STAG1: variants seen among roughly 807,000 people sequenced by gnomAD.
STAG1 encodes the protein cohesin subunit SA-1.
Under a neutral mutation model 170.9 loss-of-function variants are expected in STAG1, and 26 were observed. The ratio of observed to expected loss-of-function variants is 0.15; its 90% CI spans 0.11 to 0.21. The LOEUF (loss-of-function observed/expected upper bound fraction) is 0.21, where lower values mean the gene tolerates loss of function less well. Ranked by LOEUF, STAG1 falls within the 10% of genes least tolerant of loss-of-function variation. The pLI is 1.00. For synonymous variants in STAG1, 514 were observed against 497.7 expected (o/e 1.03, Z -0.44); for missense variants, 964 against 1,509.5 (o/e 0.64, Z 5.99).
At chr3:136,645,316 G>A (rs1025544955) in intron 1 of STAG1, among the ~76,000 whole-genome samples, 2 of 152,170 alleles carry the variant, frequency 1.3e-5, no homozygotes, top group African/African-American at 4.8e-5. Context: ...CTGAACATGT[G>A]AGAGGTAGGT....
chr3:136,537,018 A>G lies in STAG1; in HGVS notation c.471+5101T>C, dbSNP rs181966930. On this transcript the variant is annotated intron_variant, in intron 6 of 33. Transcript: ENST00000383202. ...GAACTGCAGGGTTCAGTCATTGTAT[A>G]TTTTCTTTGTTACATTTTTGCATAT... 8.1e-3 allele frequency among the ~76,000 whole-genome samples: 1,226 copies of G among 152,172 alleles called. 7 individuals carry two copies. Among genetic ancestry groups the G allele is most frequent in the South Asian group, 0.014 (66 of 4,824 alleles).
intron 1 of STAG1, among the ~76,000 whole-genome samples, chr3:136,730,563 T>C (rs1340338267): frequency 6.6e-6 from 1 of 152,218 alleles, no homozygotes; most frequent in African/African-American, 2.4e-5. Flanking sequence ...GTTTGATACA[T>C]TTTCAATAAA....
chr3:136,369,828 G>C (rs1198372868), intron 23 of STAG1, among the ~76,000 whole-genome samples: 1 of 152,110 alleles, frequency 6.6e-6, no homozygotes, highest in Admixed American at 6.6e-5. Flanking sequence ...CATGATGGTG[G>C]ATCCCATAAG....
At chr3:136,692,037 A>C (rs1402502242) in intron 1 of STAG1, among the ~76,000 whole-genome samples, 1 of 152,156 alleles carries the variant, frequency 6.6e-6, no homozygotes, top group African/African-American at 2.4e-5. Context: ...AATTACAGCC[A>C]GGGGCAGTGG....
chr3:136,528,262 C>G (rs1005616626), intron 6 of STAG1, among the ~76,000 whole-genome samples: 1 of 152,140 alleles, frequency 6.6e-6, no homozygotes, highest in African/African-American at 2.4e-5. Context: ...CTATGTTTAC[C>G]TACTCAAGCC....
chr3:136,354,650 G>GA (rs1936562414), intron 28 of STAG1, among the ~76,000 whole-genome samples: 1 of 148,116 alleles, frequency 6.8e-6, no homozygotes. Flanking sequence ...AGGCCACTAG[G>GA]AAAATAACTA....
intron 4 of STAG1, among the ~76,000 whole-genome samples, chr3:136,570,845 G>T (rs1937246444): frequency 6.6e-6 from 1 of 152,200 alleles, no homozygotes; most frequent in South Asian, 2.1e-4. Flanking sequence ...CTGTTTCACT[G>T]TCTCATCACA....
At chr3:136,668,620 G>C (rs1449468279) in intron 1 of STAG1, among the ~76,000 whole-genome samples, 1 of 151,872 alleles carries the variant, frequency 6.6e-6, no homozygotes, top group Non-Finnish European at 1.5e-5. Flanking sequence ...GAGGAAGGAG[G>C]GGAAATCAGG....
intron 5 of STAG1, among the ~76,000 whole-genome samples, chr3:136,562,415 C>A (rs2072167630): frequency 6.6e-6 from 1 of 151,500 alleles, no homozygotes; most frequent in Non-Finnish European, 1.5e-5. Flanking sequence ...CACCCACCAC[C>A]ACGCCCGGCT....
At chr3:136,549,183 T>TA (rs1426087404) in intron 5 of STAG1, among the ~76,000 whole-genome samples, 1 of 152,256 alleles carries the variant, frequency 6.6e-6, no homozygotes, top group Non-Finnish European at 1.5e-5. Context: ...AATGTTTTCC[T>TA]AATTTTCTTT....
At chr3:136,364,596 C>T (rs969573337) in intron 25 of STAG1, among the ~76,000 whole-genome samples, 2 of 151,986 alleles carry the variant, frequency 1.3e-5, no homozygotes, top group Non-Finnish European at 2.9e-5. Flanking sequence ...TGTAACCCCC[C>T]CATCAACATG....
intron 6 of STAG1, among the ~76,000 whole-genome samples, chr3:136,534,039 G>A (rs1254908975): frequency 6.6e-6 from 1 of 152,158 alleles, no homozygotes; most frequent in East Asian, 1.9e-4. Flanking sequence ...ACAGAACAAA[G>A]TATTGGTATA....
chr3:136,341,350 A>C (rs1416305680), intron 31 of STAG1, 91 bp downstream of exon 31: 1 of 842,560 alleles, frequency 1.2e-6, no homozygotes, highest in Admixed American at 2.0e-5. Context: ...TTAACTCCTA[A>C]GACCAAACAT....
chr3:136,589,997 C>T (rs1242209885), intron 4 of STAG1, among the ~76,000 whole-genome samples: 3 of 151,752 alleles, frequency 2.0e-5, no homozygotes, highest in African/African-American at 7.3e-5. Flanking sequence ...GTGGCACACA[C>T]CTATAATCCC....
chr3:136,366,880 C>T (rs1035709401), intron 25 of STAG1, 63 bp downstream of exon 25: 15 of 1,389,306 alleles, frequency 1.1e-5, no homozygotes, highest in Admixed American at 2.0e-5. Context: ...TGTCATCATC[C>T]TTTCAATTGC....
At chr3:136,492,645 AT>A (rs2090144639) in intron 9 of STAG1, among the ~76,000 whole-genome samples, 1 of 152,224 alleles carries the variant, frequency 6.6e-6, no homozygotes, top group Non-Finnish European at 1.5e-5. Context: ...GCCCCCAGAT[AT>A]TTACATGCCA....
In STAG1 at chr3:136,518,263, C is replaced by T. The variant is rs553988587; in HGVS notation, c.676+2950G>A. On this transcript the variant is annotated intron_variant, in intron 7 of 33. Transcript: ENST00000383202. ...AATAACTAACCTGATTGTCTCTCTT[C>T]TCAGCTAAGATTTAAGCAATGTCAA... 7.3e-4 allele frequency: 436 copies of T among 596,466 alleles called. 1 individual carries two copies. The highest frequency in any genetic ancestry group is 1.1e-3 in the Non-Finnish European group (361 of 332,290). 36.9% of individuals were successfully genotyped at this position (596,466 alleles called of 1,614,324 possible).
chr3:136,423,138 C>T, intron 16 of STAG1, 94 bp from the exon 17 acceptor site: 1 of 757,878 alleles, frequency 1.3e-6, no homozygotes, highest in Non-Finnish European at 2.0e-6. Context: ...AATAATATAA[C>T]CACAAATTTT....
chr3:136,531,299 T>G (rs1010292479), intron 6 of STAG1, among the ~76,000 whole-genome samples: 2 of 149,846 alleles, frequency 1.3e-5, no homozygotes, highest in African/African-American at 4.9e-5. Context: ...GGAACACTTT[T>G]ACACTGTTGG....
Sources: gnomAD v4.1 joint callset for allele counts (sites outside exome capture counted in the v4.1 genomes callset) on GRCh38, gnomAD v4.1.1 for gene constraint, MANE v1.5 for transcripts, NCBI Gene and HGNC (gene_info 2026-07-23, HGNC 2026-07-21) for gene names.